Variants in GOLGB1 observed in about 807,000 individuals in gnomAD.
GOLGB1 encodes golgin subfamily B member 1.
Under a neutral mutation model 336.9 loss-of-function variants are expected in GOLGB1, and 174 were observed. That is an observed-to-expected ratio of 0.52 (90% CI 0.46 to 0.59). The LOEUF (loss-of-function observed/expected upper bound fraction) is 0.59. Among genes scored for constraint, GOLGB1 ranks in the 20% least tolerant of loss-of-function variants. The pLI is 0.00. For synonymous variants in GOLGB1, 1,208 were observed against 1,289.2 expected (o/e 0.94, Z 1.35); for missense variants, 3,331 against 3,645.3 (o/e 0.91, Z 2.22).
At chr3:121,710,533 C>T (rs1304983696) in intron 10 of GOLGB1, among the ~76,000 whole-genome samples, 2 of 152,148 alleles carry the variant, frequency 1.3e-5, no homozygotes, top group African/African-American at 4.8e-5. Context: ...TATATATGCA[C>T]ATTTTTTTCA....
At chr3:121,668,672 C>CAA (rs138891151) in intron 18 of GOLGB1, among the ~76,000 whole-genome samples, 208 of 65,768 alleles carry the variant, frequency 3.2e-3, no homozygotes, top group Middle Eastern at 0.013. Context: ...GACTCCGTCT[C>CAA]AAAAAAAAAA....
Position 121,695,419 on chromosome 3 carries a change from C to T in GOLGB1, c.5104G>A (p.Asp1702Asn). The T allele has an allele frequency of 6.2e-7, 1 of 1,614,062 alleles. No homozygotes were observed. Among genetic ancestry groups the T allele is most frequent in the Non-Finnish European group, 8.5e-7 (1 of 1,180,016 alleles). The change falls in exon 13 of 22, where the codon GAC (aspartate) becomes AAC (asparagine). Residue 1702 changes from aspartate to asparagine, a missense_variant. Coordinates refer to ENST00000614479, the MANE Select transcript of GOLGB1 (RefSeq NM_001366282.2). ...QKILELEEEN[D>N]RLRAEVHPAG... ...GGGTGCACCTCTGCCCTAAGCCGGT[C>T]ATTCTCTTCTTCCAGCTCTAGGATT...
intron 6 of GOLGB1, among the ~76,000 whole-genome samples, chr3:121,721,837 A>C (rs1945221597): frequency 6.6e-6 from 1 of 152,124 alleles, no homozygotes; most frequent in Non-Finnish European, 1.5e-5. Context: ...ACTATAATTT[A>C]TTTCCTATTA....
intron 1 of GOLGB1, among the ~76,000 whole-genome samples, chr3:121,741,226 G>C (rs1946831280): frequency 6.6e-6 from 1 of 152,054 alleles, no homozygotes; most frequent in African/African-American, 2.4e-5. Context: ...GGCAAAACTT[G>C]AGGCAATCCA....
In GOLGB1 at chr3:121,697,718, A is replaced by C. The variant is rs755168330; in HGVS notation, c.2805T>G (p.Thr935=). Residue 935 remains threonine (T), a synonymous_variant, in exon 13 of 22, where the codon ACT becomes ACG. Coordinates refer to ENST00000614479, the MANE Select transcript of GOLGB1 (RefSeq NM_001366282.2). ...ATAATAAATTTAGCTGTTCTTTAAG[A>C]GTCTTAATTTCAACCCCAAGAGAAA... The part of the protein sequence containing the change: ...EKFSLGVEIK[T]LKEQLNLLSR... 2 of 1,613,836 alleles carry C rather than the reference A, an allele frequency of 1.2e-6. No individual in the cohort carries two copies. Among genetic ancestry groups the C allele is most frequent in the African/African-American group, 1.3e-5 (1 of 75,000 alleles).
At chr3:121,727,320 A>ATTTTTTTT (rs869189384) in intron 4 of GOLGB1, among the ~76,000 whole-genome samples, 5 of 28,636 alleles carry the variant, frequency 1.7e-4, no homozygotes, top group South Asian at 1.4e-3. Context: ...ATATATATAT[A>ATTTTTTTT]TTTTTTTTTT....
chr3:121,698,994 A>G, intron 12 of GOLGB1, 65 bp from the exon 13 acceptor site: 1 of 1,228,200 alleles, frequency 8.1e-7, no homozygotes, highest in Admixed American at 2.5e-5. Flanking sequence ...AAATAGCCCA[A>G]CTAAAAACTT....
chr3:121,672,039 CT>C lies in GOLGB1; in HGVS notation c.9178-2685del, dbSNP rs1256623159. ...TATACCACATTCTTAATCTATTCAT[CT>C]GTTGACGGGTACTTACATTGATTCT... On this transcript the variant is annotated intron_variant, in intron 17 of 21. Coordinates refer to ENST00000614479, the MANE Select transcript of GOLGB1 (RefSeq NM_001366282.2). 5.9e-5 allele frequency among the ~76,000 whole-genome samples: 9 copies of C among 152,326 alleles called. No individual in the cohort carries two copies. The East Asian group carries it at 1.7e-3, about 29-fold the overall frequency.
chr3:121,694,658 T>C lies in GOLGB1; in HGVS notation c.5865A>G (p.Lys1955=). ...TCATTTCAGATTCCAATAGCTCATT[T>C]TTTATTTGGGCATCTGTAACATCCT... ...YCQDVTDAQI[K]NELLESEMKN... is the part of the protein sequence containing the mutation. The change falls in exon 13 of 22, where the codon AAA becomes AAG. Residue 1955 remains lysine (K), a synonymous_variant. Coordinates refer to ENST00000614479, the MANE Select transcript of GOLGB1 (RefSeq NM_001366282.2). The C allele has an allele frequency of 6.2e-7, 1 of 1,611,474 alleles. No individual in the cohort carries two copies.
intron 10 of GOLGB1, among the ~76,000 whole-genome samples, chr3:121,706,714 A>G (rs575341573): frequency 1.6e-4 from 20 of 126,250 alleles, no homozygotes; most frequent in Non-Finnish European, 2.7e-4. Context: ...AGCCTGGATG[A>G]CACACTGAGA....
intron 2 of GOLGB1, 36 bp downstream of exon 2, chr3:121,730,840 T>C (rs1396899982): frequency 1.6e-5 from 25 of 1,587,798 alleles, no homozygotes; most frequent in African/African-American, 5.5e-5. Context: ...ACAGAACATA[T>C]GTCTTACCAG....
At chr3:121,735,562 A>G (rs1260966358) in intron 1 of GOLGB1, among the ~76,000 whole-genome samples, 1 of 152,208 alleles carries the variant, frequency 6.6e-6, no homozygotes, top group African/African-American at 2.4e-5. Context: ...TTAAATGAGT[A>G]AGTAAATTGT....
At chr3:121,715,995 A>C (rs1430792094) in intron 9 of GOLGB1, among the ~76,000 whole-genome samples, 2 of 150,422 alleles carry the variant, frequency 1.3e-5, no homozygotes, top group Non-Finnish European at 3.0e-5. Flanking sequence ...TCTGTCACAA[A>C]AAAAAAAAAA....
At position 121,691,813 on chromosome 3, in the gene GOLGB1, T is replaced by C; in HGVS notation, c.7551A>G (p.Ile2517Met). ...CATCCATATGACTTCTCAAGCCTCG[T>C]ATTTCTTCTTTAAGCTTATTATTCT... ...AAENNKLKEE[I>M]RGLRSHMDDL... Residue 2517 changes from isoleucine to methionine, a missense_variant, in exon 14 of 22, where the codon ATA becomes ATG. By Grantham distance (10) the Ile-to-Met change is conservative. Transcript: ENST00000614479. 1 of 1,613,848 alleles carries C rather than the reference T, an allele frequency of 6.2e-7. No individual in the cohort carries two copies. Among genetic ancestry groups the C allele is most frequent in the Non-Finnish European group, 8.5e-7 (1 of 1,179,872 alleles).
chr3:121,721,151 G>A (rs989699066), intron 6 of GOLGB1, among the ~76,000 whole-genome samples: 1 of 150,994 alleles, frequency 6.6e-6, no homozygotes, highest in South Asian at 2.1e-4. Context: ...AAGCTAATAG[G>A]TAAAACCAAG....
rs1313335521 is a variant in GOLGB1, at chr3:121,664,602, C to T, written c.9673G>A (p.Val3225Ile). Residue 3225 changes from valine (V) to isoleucine (I), a missense_variant, in exon 22 of 22, where the codon GTT becomes ATT. By Grantham distance (29) the Val-to-Ile change is conservative. Transcript: ENST00000614479. ...SNSCRRTRSG[V>I]GWKRVLRSLC... ...GAACGCAGGACTCGCTTCCATCCAACGCCACTCCGGGTCTGAAAGAAAAAT... is the reference window on the plus strand; with the variant it reads ...GAACGCAGGACTCGCTTCCATCCAATGCCACTCCGGGTCTGAAAGAAAAAT... 2.5e-6 allele frequency: 4 copies of T among 1,613,842 alleles called. No homozygotes were observed. Among genetic ancestry groups the T allele is most frequent in the Admixed American group, 3.3e-5 (2 of 60,002 alleles).
At chr3:121,689,720 C>T (rs1234226690) in intron 14 of GOLGB1, among the ~76,000 whole-genome samples, 1 of 151,952 alleles carries the variant, frequency 6.6e-6, no homozygotes, top group African/African-American at 2.4e-5. Flanking sequence ...AAAGCCTAGC[C>T]TTTCAAAACT....
Position 121,697,140 on chromosome 3 carries a change from T to C in GOLGB1, c.3383A>G (p.Gln1128Arg). The C allele has an allele frequency of 6.2e-7, 1 of 1,614,142 alleles. No homozygotes were observed. Among genetic ancestry groups the C allele is most frequent in the Non-Finnish European group, 8.5e-7 (1 of 1,179,984 alleles). The change falls in exon 13 of 22, where the codon CAG becomes CGG. Residue 1128 changes from glutamine (Q) to arginine (R), a missense_variant. Physicochemically the swap from Gln to Arg is conservative, Grantham distance 43. Transcript: ENST00000614479. ...ATCCGTGTTACTTGTGATTAACTTCTGGATAATTGCTTGGTTTTCACTGAT... is the reference window on the plus strand; with the variant it reads ...ATCCGTGTTACTTGTGATTAACTTCCGGATAATTGCTTGGTTTTCACTGAT... ...AEISENQAII[Q>R]KLITSNTDAS...
intron 10 of GOLGB1, among the ~76,000 whole-genome samples, chr3:121,707,510 G>A (rs560748045): frequency 6.6e-6 from 1 of 151,860 alleles, no homozygotes; most frequent in African/African-American, 2.4e-5. Flanking sequence ...GTGCATGCCT[G>A]TAGTCACAGC....
Sources: gnomAD v4.1 joint callset for allele counts (sites outside exome capture counted in the v4.1 genomes callset) on GRCh38, gnomAD v4.1.1 for gene constraint, MANE v1.5 for transcripts, NCBI Gene and HGNC (gene_info 2026-07-23, HGNC 2026-07-21) for gene names.